LSAMP: variants seen among roughly 807,000 people sequenced by gnomAD.
LSAMP encodes limbic system associated membrane protein, also known as limbic system-associated membrane protein.
Under a neutral mutation model 38.6 loss-of-function variants are expected in LSAMP, and 7 were observed. The ratio of observed to expected loss-of-function variants is 0.18; its 90% confidence interval spans 0.10 to 0.34. LSAMP has a LOEUF of 0.34. Among genes scored for constraint, LSAMP ranks in the 10% least tolerant of loss-of-function variants. The probability of loss-of-function intolerance (pLI) is 1.00; values close to 1 mark genes in which losing one functional copy is unlikely to be tolerated. For synonymous variants in LSAMP, 154 were observed against 166.8 expected (o/e 0.92, Z 0.59); for missense variants, 313 against 420.0 (o/e 0.75, Z 2.23).
At chr3:116,170,195 A>T (rs1206097388) in intron 1 of LSAMP, among the ~76,000 whole-genome samples, 1 of 152,086 alleles carries the variant, frequency 6.6e-6, no homozygotes, top group East Asian at 1.9e-4. Flanking sequence ...CAATTTGGAA[A>T]TTTTTTTCCA....
At chr3:116,432,279 A>G (rs1292148212) in intron 1 of LSAMP, among the ~76,000 whole-genome samples, 2 of 151,930 alleles carry the variant, frequency 1.3e-5, no homozygotes, top group African/African-American at 4.8e-5. Flanking sequence ...CGTAAATTTT[A>G]TGTACATATA....
chr3:115,806,470 A>C lies in LSAMP; in HGVS notation c.*3847T>G, dbSNP rs1203221280. 1 of 152,228 alleles carries C rather than the reference A, an allele frequency of 6.6e-6. No individual in the cohort carries two copies. Among genetic ancestry groups the C allele is most frequent in the Non-Finnish European group, 1.5e-5 (1 of 68,044 alleles). The allele number at this position is 152,228 out of a possible 1,614,324, so 9.4% of individuals were successfully genotyped here. On this transcript the variant is annotated 3_prime_UTR_variant, in exon 7 of 7. Coordinates refer to ENST00000490035, the MANE Select transcript of LSAMP (RefSeq NM_002338.5). ...AATCTGCGACTCTGGAGGATTCAAGAAGCTCACAACTTGGTAAAGTAATAA... is the reference window on the plus strand; with the variant it reads ...AATCTGCGACTCTGGAGGATTCAAGCAGCTCACAACTTGGTAAAGTAATAA...
Position 115,884,963 on chromosome 3 carries a change from T to C in LSAMP, c.515-32346A>G, listed in dbSNP as rs1244037782. Reference sequence around the variant, plus strand: ...TGATTTTGAAAAGAAATGTCATTAATAGGTAGTATGTACAAAATACTAAAA... The same window carrying C: ...TGATTTTGAAAAGAAATGTCATTAACAGGTAGTATGTACAAAATACTAAAA... On this transcript the variant is annotated intron_variant, in intron 3 of 6. Coordinates refer to ENST00000490035, the MANE Select transcript of LSAMP (RefSeq NM_002338.5). Among the ~76,000 whole-genome samples the C allele has an allele frequency of 2.0e-5, 3 of 152,006 alleles. No individual in the cohort carries two copies. In the East Asian group the frequency reaches 5.8e-4, roughly 29 times the overall value.
intron 3 of LSAMP, among the ~76,000 whole-genome samples, chr3:115,915,665 G>A (rs35154220): frequency 0.21 from 31,448 of 151,026 alleles, 3,422 homozygotes; most frequent in East Asian, 0.34. Context: ...ACAGAGTCTC[G>A]CTCTGTTGCC....
chr3:116,340,770 C>T (rs761558110), intron 1 of LSAMP, among the ~76,000 whole-genome samples: 1 of 151,944 alleles, frequency 6.6e-6, no homozygotes, highest in East Asian at 1.9e-4. Flanking sequence ...AGAAAAAGTG[C>T]CTTTACTGCT....
intron 1 of LSAMP, among the ~76,000 whole-genome samples, chr3:116,111,920 A>G: frequency 6.6e-6 from 1 of 152,166 alleles, no homozygotes; most frequent in East Asian, 1.9e-4. Flanking sequence ...TGTGAAAACC[A>G]CTCTGCTTCT....
chr3:116,171,225 A>G (rs1710190565), intron 1 of LSAMP, among the ~76,000 whole-genome samples: 1 of 152,184 alleles, frequency 6.6e-6, no homozygotes, highest in Non-Finnish European at 1.5e-5. Flanking sequence ...TGGCACATAG[A>G]AAATGTTTAA....
At chr3:115,973,696 T>C (rs977643832) in intron 3 of LSAMP, among the ~76,000 whole-genome samples, 8 of 151,986 alleles carry the variant, frequency 5.3e-5, no homozygotes, top group African/African-American at 1.7e-4. Context: ...ATGGTGCCAC[T>C]GCACTTCAGC....
chr3:115,979,116 G>A (rs530473193), intron 3 of LSAMP, among the ~76,000 whole-genome samples: 6 of 152,188 alleles, frequency 3.9e-5, no homozygotes, highest in East Asian at 1.9e-4. Context: ...GGTTGAAGAC[G>A]TGGAGTATCT....
chr3:115,835,721 A>G (rs1218836795), intron 6 of LSAMP, among the ~76,000 whole-genome samples: 1 of 152,210 alleles, frequency 6.6e-6, no homozygotes, highest in African/African-American at 2.4e-5. Flanking sequence ...CACTGGATAC[A>G]TCTGGACACT....
intron 3 of LSAMP, among the ~76,000 whole-genome samples, chr3:115,943,010 A>G (rs1366549117): frequency 6.6e-6 from 1 of 152,230 alleles, no homozygotes; most frequent in Non-Finnish European, 1.5e-5. Context: ...ACTTGCATGG[A>G]TGAACAACAT....
intron 3 of LSAMP, among the ~76,000 whole-genome samples, chr3:115,921,489 A>G (rs1270122876): frequency 6.6e-6 from 1 of 152,084 alleles, no homozygotes; most frequent in African/African-American, 2.4e-5. Flanking sequence ...GCCACAAATT[A>G]TATCCTTTTA....
intron 1 of LSAMP, among the ~76,000 whole-genome samples, chr3:116,197,047 C>T (rs1052825752): frequency 2.0e-5 from 3 of 151,864 alleles, no homozygotes; most frequent in Non-Finnish European, 4.4e-5. Context: ...TGATTCTCTT[C>T]CAAATAACAA....
intron 3 of LSAMP, among the ~76,000 whole-genome samples, chr3:115,959,734 C>T (rs1938565641): frequency 6.6e-6 from 1 of 152,188 alleles, no homozygotes; most frequent in Non-Finnish European, 1.5e-5. Flanking sequence ...GACATTGAGA[C>T]TGGCACACAC....
intron 3 of LSAMP, among the ~76,000 whole-genome samples, chr3:115,931,172 A>C (rs995510848): frequency 1.3e-5 from 2 of 152,124 alleles, no homozygotes; most frequent in African/African-American, 4.8e-5. Context: ...GAGAGAGCTC[A>C]TTACTAACCC....
At chr3:116,139,913 T>A (rs1029205281) in intron 1 of LSAMP, among the ~76,000 whole-genome samples, 2 of 152,006 alleles carry the variant, frequency 1.3e-5, no homozygotes, top group African/African-American at 4.8e-5. Flanking sequence ...CTTGTAGAAT[T>A]TATGGCCTAC....
intron 1 of LSAMP, among the ~76,000 whole-genome samples, chr3:116,391,455 G>A (rs1402386955): frequency 6.6e-6 from 1 of 152,216 alleles, no homozygotes; most frequent in African/African-American, 2.4e-5. Context: ...GCATGGGAAG[G>A]AGGCGGACAG....
At chr3:116,137,376 T>C (rs1709273880) in intron 1 of LSAMP, among the ~76,000 whole-genome samples, 1 of 152,118 alleles carries the variant, frequency 6.6e-6, no homozygotes, top group Non-Finnish European at 1.5e-5. Flanking sequence ...AAACTTCCAA[T>C]GTAATTAACT....
intron 1 of LSAMP, among the ~76,000 whole-genome samples, chr3:116,255,266 A>C (rs1253753818): frequency 6.6e-6 from 1 of 152,206 alleles, no homozygotes; most frequent in Non-Finnish European, 1.5e-5. Context: ...AAATTCCAAA[A>C]GGGCAGTTAT....
Sources: allele counts gnomAD v4.1 joint callset (sites outside exome capture counted in the v4.1 genomes callset), GRCh38; gene constraint gnomAD v4.1.1; transcripts MANE v1.5; gene names NCBI Gene and HGNC (gene_info 2026-07-23, HGNC 2026-07-21).